The following NEIL3 variants were observed in gnomAD, a reference collection of about 807,000 sequenced individuals.
The protein encoded by NEIL3 is nei like DNA glycosylase 3.
NEIL3 carries 48 observed loss-of-function variants against 57.5 expected under a neutral mutation model. The observed-to-expected ratio is 0.83, with a 90% CI of 0.66 to 1.06. The LOEUF is 1.06. Ranked by LOEUF, NEIL3 falls within the 50% of genes least tolerant of loss-of-function variation. NEIL3 has a pLI of 0.00. For synonymous variants in NEIL3, 261 were observed against 253.2 expected (o/e 1.03, Z -0.29); for missense variants, 717 against 739.1 (o/e 0.97, Z 0.35).
chr4:177,356,737 G>GA (rs1235099184), intron 8 of NEIL3, among the ~76,000 whole-genome samples: 1 of 152,096 alleles, frequency 6.6e-6, no homozygotes, highest in African/African-American at 2.4e-5. Context: ...CATATTTTCT[G>GA]ATTGGTCTTG....
At chr4:177,331,702 C>T (rs575335991) in intron 2 of NEIL3, among the ~76,000 whole-genome samples, 2 of 152,238 alleles carry the variant, frequency 1.3e-5, no homozygotes, top group East Asian at 1.9e-4. Flanking sequence ...AAATCCCAGA[C>T]ACCATGTATA....
Position 177,328,600 on chromosome 4 carries a change from G to A in NEIL3, c.278+6020G>A, listed in dbSNP as rs375405165. On this transcript the variant is annotated intron_variant, in intron 2 of 9. Transcript: ENST00000264596. ...CCCATCTAATATATCTATTAAAAAT[G>A]AAGGTATAATAAAGACTTTTTCGAA... Among the ~76,000 whole-genome samples, 112 of 152,246 alleles carry A rather than the reference G, an allele frequency of 7.4e-4. 6 individuals are homozygous for A. The South Asian group carries it at 0.023, about 32-fold the overall frequency.
In NEIL3 at chr4:177,351,375, T is replaced by C. The variant is rs1265504196; in HGVS notation, c.870-5T>C. On this transcript the variant is annotated splice_region_variant and splice_polypyrimidine_tract_variant and intron_variant, in intron 6 of 9. Transcript: ENST00000264596. ...CAATGATTAATTTTAAAAATTATCT[T>C]ATAGCAAGCTACCGACTAGAAATAC... 1 of 1,596,832 alleles carries C rather than the reference T, an allele frequency of 6.3e-7. No homozygotes were observed. The highest frequency in any genetic ancestry group is 1.1e-5 in the South Asian group (1 of 88,534).
rs553984136 is a variant in NEIL3, at chr4:177,315,030, C to T, written c.156+4921C>T. ...CTTGCAGTGAGCCGAGATCGCGCCA[C>T]TGCACTCGAGCCTGGGCAACAGAGC... is the stretch of plus-strand genomic sequence containing the variant. On this transcript the variant is annotated intron_variant, in intron 1 of 9. Transcript: ENST00000264596. Among the ~76,000 whole-genome samples, 7 of 145,258 alleles carry T rather than the reference C, an allele frequency of 4.8e-5. No homozygotes were observed. In the South Asian group the frequency reaches 1.3e-3, roughly 27 times the overall value.
chr4:177,345,260 AAAGAC>A (rs1735190942), intron 6 of NEIL3, among the ~76,000 whole-genome samples: 1 of 152,214 alleles, frequency 6.6e-6, no homozygotes, highest in Non-Finnish European at 1.5e-5. Flanking sequence ...GGAATTCATC[AAAGAC>A]AAGAGGTAGG....
At chr4:177,313,287 A>G (rs955333705) in intron 1 of NEIL3, among the ~76,000 whole-genome samples, 8 of 152,230 alleles carry the variant, frequency 5.3e-5, no homozygotes, top group Admixed American at 5.2e-4. Context: ...ACTGTGTCAT[A>G]TAGCATTCCT....
In NEIL3 at chr4:177,362,901, T is replaced by G. The variant is rs1280093177; in HGVS notation, c.*430T>G. ...ATAATATATGATTAAAGATATTTCT[T>G]GTTTTATTAAATAATAAGAAATAAG... On this transcript the variant is annotated 3_prime_UTR_variant, in exon 10 of 10. Coordinates refer to ENST00000264596, the MANE Select transcript of NEIL3 (RefSeq NM_018248.3). 1.3e-5 allele frequency: 2 copies of G among 152,248 alleles called. No individual in the cohort carries two copies. The highest frequency in any genetic ancestry group is 4.8e-5 in the African/African-American group (2 of 41,472). 9.4% of individuals were successfully genotyped at this position (152,248 alleles called of 1,614,324 possible).
chr4:177,365,787 C>A (rs947563061), downstream of NEIL3, among the ~76,000 whole-genome samples: 2 of 152,142 alleles, frequency 1.3e-5, no homozygotes, highest in African/African-American at 4.8e-5. Flanking sequence ...AAAATTGGTT[C>A]TGTCTTAGAT....
Position 177,310,058 on chromosome 4 carries a change from G to C in NEIL3, c.105G>C (p.Leu35=). ...TGVRGSALRS[L]QGRALRLAAS... is the part of the protein sequence containing the mutation. The stretch of plus-strand genomic sequence containing the variant: ...TGCGGGGAAGCGCTCTGCGGAGTCT[G>C]CAGGGCCGCGCCTTGCGGCTCGCAG... The change falls in exon 1 of 10, where the codon CTG becomes CTC. Residue 35 remains leucine, a synonymous_variant. Coordinates refer to ENST00000264596, the MANE Select transcript of NEIL3 (RefSeq NM_018248.3). The C allele has an allele frequency of 6.2e-7, 1 of 1,602,268 alleles. No homozygotes were observed. The highest frequency in any genetic ancestry group is 8.5e-7 in the Non-Finnish European group (1 of 1,175,328).
At chr4:177,333,555 A>G (rs566205174) in intron 2 of NEIL3, among the ~76,000 whole-genome samples, 37 of 152,348 alleles carry the variant, frequency 2.4e-4, no homozygotes, top group African/African-American at 7.5e-4. Context: ...TGAAGAGAAT[A>G]CAGGCAGGCT....
At chr4:177,344,222 C>G (rs34405140) in intron 6 of NEIL3, among the ~76,000 whole-genome samples, 4 of 152,246 alleles carry the variant, frequency 2.6e-5, no homozygotes, top group Non-Finnish European at 5.9e-5. Context: ...GGAAAATCAA[C>G]TATACACTGT....
At chr4:177,364,810 C>T (rs1229338805), downstream of NEIL3, among the ~76,000 whole-genome samples, 1 of 152,000 alleles carries the variant, frequency 6.6e-6, no homozygotes, top group Non-Finnish European at 1.5e-5. Flanking sequence ...CACCTGTAGT[C>T]CCAGCTACTG....
chr4:177,320,265 T>C (rs1250792000), intron 1 of NEIL3, among the ~76,000 whole-genome samples: 1 of 152,070 alleles, frequency 6.6e-6, no homozygotes, highest in South Asian at 2.1e-4. Context: ...GATTGACTTA[T>C]ATAAAAAGAA....
chr4:177,360,546 C>A lies in NEIL3; in HGVS notation c.1504C>A (p.Pro502Thr), dbSNP rs1175067728. Residue 502 changes from proline to threonine, a missense_variant, in exon 9 of 10, where the codon CCT becomes ACT. By Grantham distance (38) the Pro-to-Thr change is conservative. Coordinates refer to ENST00000264596, the MANE Select transcript of NEIL3 (RefSeq NM_018248.3). ...GACAGATGGCCCTCGTACCTTAAATCCTGACAGCCCTCGCTGCAGTAAACA... is the reference window on the plus strand; with the variant it reads ...GACAGATGGCCCTCGTACCTTAAATACTGACAGCCCTCGCTGCAGTAAACA... ...NMTDGPRTLN[P>T]DSPRCSKHNR... is the part of the protein sequence containing the mutation. 3.7e-6 allele frequency: 6 copies of A among 1,613,970 alleles called. No homozygotes were observed. The East Asian group carries it at 8.9e-5, about 24-fold the overall frequency.
intron 5 of NEIL3, among the ~76,000 whole-genome samples, chr4:177,341,119 T>C (rs887077059): frequency 6.6e-6 from 1 of 152,174 alleles, no homozygotes; most frequent in African/African-American, 2.4e-5. Context: ...CTAGCCTTTT[T>C]CTTTTAACTA....
intron 9 of NEIL3, among the ~76,000 whole-genome samples, chr4:177,361,112 AC>A (rs1293723618): frequency 2.2e-5 from 3 of 136,088 alleles, no homozygotes; most frequent in Non-Finnish European, 4.8e-5. Context: ...ATTTACAATA[AC>A]CTTATCAAAT....
intron 1 of NEIL3, among the ~76,000 whole-genome samples, chr4:177,312,911 T>C (rs1734503493): frequency 6.6e-6 from 1 of 152,158 alleles, no homozygotes. Flanking sequence ...GAAGAGTCTT[T>C]TGCATTTTAG....
chr4:177,320,521 A>G (rs1425920122), intron 1 of NEIL3, among the ~76,000 whole-genome samples: 2 of 121,790 alleles, frequency 1.6e-5, no homozygotes, highest in Non-Finnish European at 3.1e-5. Context: ...TGTGTCTCCC[A>G]GGCTGGTGTG....
downstream of NEIL3, among the ~76,000 whole-genome samples, chr4:177,365,562 A>G (rs1314673482): frequency 6.6e-6 from 1 of 152,172 alleles, no homozygotes; most frequent in East Asian, 1.9e-4. Context: ...AAAAGAAAAA[A>G]AATTTACTCT....
Sources: allele counts gnomAD v4.1 joint callset (sites outside exome capture counted in the v4.1 genomes callset), GRCh38; gene constraint gnomAD v4.1.1; transcripts MANE v1.5; gene names NCBI Gene and HGNC (gene_info 2026-07-23, HGNC 2026-07-21).